The following RWDD2A variants were observed in gnomAD, a reference collection of about 807,000 sequenced individuals.
RWDD2A encodes RWD domain-containing protein 2A.
In RWDD2A, 15 loss-of-function variants were observed where a neutral mutation model predicts 23.1. The ratio of observed to expected loss-of-function variants is 0.65; its 90% CI spans 0.43 to 1.00. The LOEUF (loss-of-function observed/expected upper bound fraction) is 1.00. Ranked by LOEUF, RWDD2A falls within the 50% of genes least tolerant of loss-of-function variation. RWDD2A has a pLI of 0.00. For missense variants in RWDD2A, 310 were observed against 341.7 expected, an observed-to-expected ratio of 0.91 and a Z score of 0.73; for synonymous variants, 103 against 123.0, an observed-to-expected ratio of 0.84 and a Z score of 1.08.
chr6:83,196,192 T>C lies in RWDD2A; in HGVS notation c.799T>C (p.Leu267=). 6.2e-7 allele frequency: 1 copy of C among 1,609,054 alleles called. No individual in the cohort carries two copies. The highest frequency in any genetic ancestry group is 8.5e-7 in the Non-Finnish European group (1 of 1,178,394). The part of the protein sequence containing the change: ...NDYHMNLGQF[L]EFLKKHKSEH... ...CTATCACATGAATCTGGGCCAATTC[T>C]TAGAATTTCTCAAGAAGCACAAAAG... Residue 267 remains leucine (L), a synonymous_variant, in exon 3 of 3, where the codon TTA becomes CTA. Transcript: ENST00000369724.
rs374884013 is a variant in RWDD2A, at chr6:83,198,859, T to C, written c.*2587T>C. On this transcript the variant is annotated 3_prime_UTR_variant, in exon 3 of 3. Coordinates refer to ENST00000369724, the MANE Select transcript of RWDD2A (RefSeq NM_033411.5). ...TTTATTATATTCTTAAATGGTTATT[T>C]GGAAAATGTGCTCATTTATAAAAGT... 1 of 152,230 alleles carries C rather than the reference T, an allele frequency of 6.6e-6. No individual in the cohort carries two copies. The highest frequency in any genetic ancestry group is 6.5e-5 in the Admixed American group (1 of 15,282). 9.4% of individuals were successfully genotyped at this position (152,230 alleles called of 1,614,324 possible).
rs1789629204 is a variant in RWDD2A, at chr6:83,197,401, TCAC to T, written c.*1132_*1134del. 1 of 152,222 alleles carries T rather than the reference TCAC, an allele frequency of 6.6e-6. No homozygotes were observed. The highest frequency in any genetic ancestry group is 2.4e-5 in the African/African-American group (1 of 41,458). 9.4% of individuals were successfully genotyped at this position (152,222 alleles called of 1,614,324 possible). ...CTGAAAATTCCAAGCTCCACAGGCT[TCAC>T]CAGGCTTTTCAAAATGAGAGTTTAT... is the stretch of plus-strand genomic sequence containing the variant. On this transcript the variant is annotated 3_prime_UTR_variant, in exon 3 of 3. Coordinates refer to ENST00000369724, the MANE Select transcript of RWDD2A (RefSeq NM_033411.5).
In RWDD2A at chr6:83,195,787, G is replaced by T. The variant is rs763234776; in HGVS notation, c.394G>T (p.Ala132Ser). ...AAIQWLQDNS[A>S]SYFLNRKLVY... ...AATCCAGTGGCTACAGGACAACAGTGCATCTTATTTCCTGAACAGAAAGCT... is the reference window on the plus strand; with the variant it reads ...AATCCAGTGGCTACAGGACAACAGTTCATCTTATTTCCTGAACAGAAAGCT... Residue 132 changes from alanine (A) to serine (S), a missense_variant, in exon 3 of 3, where the codon GCA becomes TCA. By Grantham distance (99) the Ala-to-Ser change is moderately conservative (BLOSUM62 1). Coordinates refer to ENST00000369724, the MANE Select transcript of RWDD2A (RefSeq NM_033411.5). 1 of 1,614,156 alleles carries T rather than the reference G, an allele frequency of 6.2e-7. No homozygotes were observed. Among genetic ancestry groups the T allele is most frequent in the Non-Finnish European group, 8.5e-7 (1 of 1,180,034 alleles).
Position 83,195,871 on chromosome 6 carries a change from A to C in RWDD2A, c.478A>C (p.Ile160Leu), listed in dbSNP as rs1789567870. Residue 160 changes from isoleucine to leucine, a missense_variant, in exon 3 of 3, where the codon ATC becomes CTC. By Grantham distance (5) the Ile-to-Leu change is conservative. Transcript: ENST00000369724. ...PVKNTFLRMW[I>L]YSHHIYQQDL... ...CAAGAACACATTCCTCCGAATGTGGATCTACAGTCACCATATATATCAGCA... is the reference window on the plus strand; with the variant it reads ...CAAGAACACATTCCTCCGAATGTGGCTCTACAGTCACCATATATATCAGCA... 1.9e-6 allele frequency: 3 copies of C among 1,614,126 alleles called. No individual in the cohort carries two copies. The highest frequency in any genetic ancestry group is 2.5e-6 in the Non-Finnish European group (3 of 1,180,052).
chr6:83,193,638 C>T (rs963448328), intron 1 of RWDD2A, among the ~76,000 whole-genome samples, 195 bp downstream of exon 1: 1 of 152,156 alleles, frequency 6.6e-6, no homozygotes, highest in African/African-American at 2.4e-5. Flanking sequence ...CGCTGGGCCT[C>T]GGACAGGGCG....
Position 83,195,881 on chromosome 6 carries a change from AC to A in RWDD2A, c.490del (p.His164IlefsTer7). 6.2e-7 allele frequency: 1 copy of A among 1,614,214 alleles called. No homozygotes were observed. The highest frequency in any genetic ancestry group is 8.5e-7 in the Non-Finnish European group (1 of 1,180,038). ...NTFLRMWIYS[H>X]HIYQQDLRKK... ...TTCCTCCGAATGTGGATCTACAGTC[AC>A]CATATATATCAGCAGGACCTAAGGA... On this transcript the variant is annotated frameshift_variant, in exon 3 of 3. Transcript: ENST00000369724. LOFTEE classifies it high-confidence loss of function.
Position 83,198,925 on chromosome 6 carries a change from A to G in RWDD2A, c.*2653A>G, listed in dbSNP as rs889540481. The G allele has an allele frequency of 3.3e-5, 5 of 152,244 alleles. No individual in the cohort carries two copies. Among genetic ancestry groups the G allele is most frequent in the Non-Finnish European group, 7.3e-5 (5 of 68,052 alleles). 9.4% of individuals were successfully genotyped at this position (152,244 alleles called of 1,614,324 possible). ...AAGTTTGCTGAAGTAAATGAAGCAT[A>G]TCGTCAAGTATGTTCTTTGCTTTTC... On this transcript the variant is annotated 3_prime_UTR_variant, in exon 3 of 3. Transcript: ENST00000369724.
At chr6:83,193,470 T>G (rs896158915) in intron 1 of RWDD2A, 27 bp downstream of exon 1, 4 of 151,836 alleles carry the variant, frequency 2.6e-5, no homozygotes, top group African/African-American at 9.7e-5. Context: ...GGCCCGGGGG[T>G]TGGGGCCGAG....
At chr6:83,194,774 T>C in intron 2 of RWDD2A, 122 bp downstream of exon 2, 1 of 714,820 alleles carries the variant, frequency 1.4e-6, no homozygotes, top group Non-Finnish European at 2.3e-6. Context: ...GTTTGAAAGA[T>C]ACGGAATGCT....
Position 83,196,299 on chromosome 6 carries a change from A to T in RWDD2A, c.*27A>T, listed in dbSNP as rs1469370932. ...AAGCGATTAAGAGGCCTATGCCTGT[A>T]ATTTCACTAAGTCAGTATTTCTGTT... On this transcript the variant is annotated 3_prime_UTR_variant, in exon 3 of 3. Transcript: ENST00000369724. The T allele has an allele frequency of 2.7e-6, 4 of 1,485,716 alleles. No individual in the cohort carries two copies. The highest frequency in any genetic ancestry group is 3.6e-6 in the Non-Finnish European group (4 of 1,111,306). 92.0% of individuals were successfully genotyped at this position (1,485,716 alleles called of 1,614,324 possible).
At position 83,195,929 on chromosome 6, in the gene RWDD2A, A is replaced by G. The variant is rs775656001; in HGVS notation, c.536A>G (p.Lys179Arg). The change falls in exon 3 of 3, where the codon AAA becomes AGA. Residue 179 changes from lysine to arginine, a missense_variant. Transcript: ENST00000369724. Reference sequence around the variant, plus strand: ...AGGAAAAAGATTTTGGATGTTGGGAAAAGGTTAGATGTGACTGGATTTTGC... The same window carrying G: ...AGGAAAAAGATTTTGGATGTTGGGAGAAGGTTAGATGTGACTGGATTTTGC... ...DLRKKILDVGKRLDVTGFCMT... is the reference protein window; with the variant it reads ...DLRKKILDVGRRLDVTGFCMT... 1 of 1,614,240 alleles carries G rather than the reference A, an allele frequency of 6.2e-7. No individual in the cohort carries two copies. Among genetic ancestry groups the G allele is most frequent in the South Asian group, 1.1e-5 (1 of 91,086 alleles).
At position 83,196,073 on chromosome 6, in the gene RWDD2A, T is replaced by G. The variant is rs1194586191; in HGVS notation, c.680T>G (p.Val227Gly). 1 of 1,613,502 alleles carries G rather than the reference T, an allele frequency of 6.2e-7. No homozygotes were observed. Among genetic ancestry groups the G allele is most frequent in the African/African-American group, 1.3e-5 (1 of 74,890 alleles). Residue 227 changes from valine (V) to glycine (G), a missense_variant, in exon 3 of 3, where the codon GTG becomes GGG. By Grantham distance (109) the Val-to-Gly change is moderately radical. Coordinates refer to ENST00000369724, the MANE Select transcript of RWDD2A (RefSeq NM_033411.5). ...KHISCKHAES[V>G]ETEGNGEDLR... The stretch of plus-strand genomic sequence containing the variant: ...ATTTCCTGTAAGCATGCTGAAAGCG[T>G]GGAGACAGAAGGAAATGGTGAGGAC...
At chr6:83,193,841 G>A (rs990602208) in intron 1 of RWDD2A, 4 of 152,636 alleles carry the variant, frequency 2.6e-5, no homozygotes, top group Admixed American at 1.3e-4. Context: ...TGGGTCCCTC[G>A]GGGCAGAGGC....
In RWDD2A at chr6:83,196,468, A is replaced by C. The variant is rs946148868; in HGVS notation, c.*196A>C. 29 of 365,708 alleles carry C rather than the reference A, an allele frequency of 7.9e-5. No individual in the cohort carries two copies. Among genetic ancestry groups the C allele is most frequent in the Admixed American group, 1.4e-4 (3 of 22,080 alleles). The allele number at this position is 365,708 out of a possible 1,614,324, so 22.7% of individuals were successfully genotyped here. ...TTTATAACATTGCAATTGTGATGTT[A>C]TCTCTAGGTTTTTGTGTGAAGTCAT... On this transcript the variant is annotated 3_prime_UTR_variant, in exon 3 of 3. Coordinates refer to ENST00000369724, the MANE Select transcript of RWDD2A (RefSeq NM_033411.5).
At chr6:83,194,203 G>A (rs1562438982) in intron 1 of RWDD2A, 109 bp from the exon 2 acceptor site, 1 of 405,696 alleles carries the variant, frequency 2.5e-6, no homozygotes, top group African/African-American at 2.0e-5. Flanking sequence ...CCCGGAGCCC[G>A]GGTACGCAGA....
At chr6:83,194,253 T>C in intron 1 of RWDD2A, 59 bp from the exon 2 acceptor site, 1 of 578,242 alleles carries the variant, frequency 1.7e-6, no homozygotes, top group South Asian at 2.2e-5. Flanking sequence ...ATGTTGTGCA[T>C]ACTAGATTTT....
chr6:83,194,469 A>C lies in RWDD2A; in HGVS notation c.18A>C (p.Lys6Asn). 6.2e-7 allele frequency: 1 copy of C among 1,613,916 alleles called. No individual in the cohort carries two copies. Among genetic ancestry groups the C allele is most frequent in the African/African-American group, 1.3e-5 (1 of 74,964 alleles). MSASV[K>N]ESLQLQLLEM... The stretch of plus-strand genomic sequence containing the variant: ...GAGGCAACATGTCTGCTTCGGTGAA[A>C]GAAAGCCTTCAGCTTCAGCTACTGG... The change falls in exon 2 of 3, where the codon AAA (lysine) becomes AAC (asparagine). Residue 6 changes from lysine to asparagine, a missense_variant. Coordinates refer to ENST00000369724, the MANE Select transcript of RWDD2A (RefSeq NM_033411.5).
chr6:83,193,619 C>T (rs915059352), intron 1 of RWDD2A, among the ~76,000 whole-genome samples, 176 bp downstream of exon 1: 1 of 152,132 alleles, frequency 6.6e-6, no homozygotes, highest in African/African-American at 2.4e-5. Flanking sequence ...GGTGGGGAAT[C>T]AGCCCCGTCG....
At position 83,194,574 on chromosome 6, in the gene RWDD2A, G is replaced by A. The variant is rs765719967; in HGVS notation, c.123G>A (p.Lys41=). ...ATGTAAATGCCCTGACGAATATAAA[G>A]AGGTATTTGGAAGGCACAAGGGAGG... The part of the protein sequence containing the change: ...LEDVNALTNI[K]RYLEGTREAL... Residue 41 remains lysine, a synonymous_variant, in exon 2 of 3, where the codon AAG becomes AAA. Coordinates refer to ENST00000369724, the MANE Select transcript of RWDD2A (RefSeq NM_033411.5). 1 of 1,614,154 alleles carries A rather than the reference G, an allele frequency of 6.2e-7. No homozygotes were observed.
Sources: gnomAD v4.1 joint callset for allele counts (sites outside exome capture counted in the v4.1 genomes callset) on GRCh38, gnomAD v4.1.1 for gene constraint, MANE v1.5 for transcripts, NCBI Gene and HGNC (gene_info 2026-07-23, HGNC 2026-07-21) for gene names.